Variants in RALYL observed in about 807,000 individuals in gnomAD.
RALYL encodes the protein RALY RNA binding protein like.
In RALYL, 29 loss-of-function variants were observed where a neutral mutation model predicts 35.1. The observed-to-expected ratio is 0.83, with a 90% CI of 0.61 to 1.13. The LOEUF (loss-of-function observed/expected upper bound fraction) is 1.13, where lower values mean the gene tolerates loss of function less well. RALYL is among the 50% of genes most tolerant of loss of function. The pLI is 0.00. For missense variants in RALYL, 359 were observed against 360.4 expected, an observed-to-expected ratio of 1.00 and a Z score of 0.03; for synonymous variants, 120 against 127.6, an observed-to-expected ratio of 0.94 and a Z score of 0.40.
intron 1 of RALYL, among the ~76,000 whole-genome samples, chr8:84,379,497 T>C (rs1857528501): frequency 6.6e-6 from 1 of 151,912 alleles, no homozygotes; most frequent in Admixed American, 6.6e-5. Flanking sequence ...TGATATCAGC[T>C]TTGATAATAA....
chr8:84,373,005 C>G (rs1055991968), intron 1 of RALYL, among the ~76,000 whole-genome samples: 1 of 144,796 alleles, frequency 6.9e-6, no homozygotes, highest in Admixed American at 7.2e-5. Flanking sequence ...TTATATTGAG[C>G]TTTTTTTCAT....
At chr8:84,337,336 T>C (rs2130818962) in intron 1 of RALYL, among the ~76,000 whole-genome samples, 1 of 152,128 alleles carries the variant, frequency 6.6e-6, no homozygotes, top group Non-Finnish European at 1.5e-5. Flanking sequence ...ATTGTTTTTT[T>C]TTTTTCTTTA....
At chr8:84,334,827 T>C (rs962035931) in intron 1 of RALYL, among the ~76,000 whole-genome samples, 3 of 152,136 alleles carry the variant, frequency 2.0e-5, no homozygotes, top group African/African-American at 7.2e-5. Context: ...GATATTTTGT[T>C]CCATTAGCAC....
intron 1 of RALYL, among the ~76,000 whole-genome samples, chr8:84,325,928 G>T (rs964296864): frequency 5.9e-5 from 9 of 152,084 alleles, no homozygotes; most frequent in African/African-American, 2.2e-4. Context: ...TCAAGAGTTT[G>T]AGACCAGCCC....
At chr8:84,646,661 A>G (rs889277225) in intron 2 of RALYL, among the ~76,000 whole-genome samples, 1 of 152,018 alleles carries the variant, frequency 6.6e-6, no homozygotes, top group Non-Finnish European at 1.5e-5. Flanking sequence ...AATTTCTTTT[A>G]TGAATGGTGT....
chr8:84,635,396 A>T (rs1824847263), intron 2 of RALYL, among the ~76,000 whole-genome samples: 1 of 151,804 alleles, frequency 6.6e-6, no homozygotes, highest in Middle Eastern at 3.4e-3. Context: ...TTAATGAAAA[A>T]GTTTCCAGGC....
At chr8:84,275,949 TAA>T (rs1367118059) in intron 1 of RALYL, among the ~76,000 whole-genome samples, 1 of 152,116 alleles carries the variant, frequency 6.6e-6, no homozygotes, top group Non-Finnish European at 1.5e-5. Context: ...TTTGGCAAAC[TAA>T]TTTTTAAAAA....
At chr8:84,774,468 T>C in intron 2 of RALYL, 111 bp from the exon 3 acceptor site, 1 of 708,960 alleles carries the variant, frequency 1.4e-6, no homozygotes, top group Non-Finnish European at 2.4e-6. Flanking sequence ...ATCAATGGTG[T>C]ACAATATTTG....
chr8:84,624,044 T>C (rs1219312431), intron 2 of RALYL, among the ~76,000 whole-genome samples: 2 of 152,206 alleles, frequency 1.3e-5, no homozygotes, highest in African/African-American at 2.4e-5. Context: ...AGTTTTCACT[T>C]TGGGTTATTG....
intron 3 of RALYL, among the ~76,000 whole-genome samples, chr8:84,782,270 G>A (rs2634044): frequency 0.23 from 34,821 of 152,028 alleles, 4,225 homozygotes; most frequent in Non-Finnish European, 0.25. Context: ...GAGATAGAAA[G>A]GAAAAGTGGG....
chr8:84,519,958 G>A (rs116777502), intron 1 of RALYL, among the ~76,000 whole-genome samples: 368 of 152,214 alleles, frequency 2.4e-3, no homozygotes, highest in African/African-American at 8.4e-3. Flanking sequence ...AGTGACACAG[G>A]GTTGCATCTG....
At chr8:84,280,895 A>T (rs79173064) in intron 1 of RALYL, among the ~76,000 whole-genome samples, 2,890 of 152,234 alleles carry the variant, frequency 0.019, 43 homozygotes, top group Non-Finnish European at 0.031. Context: ...ATGAAGTAAA[A>T]ATATGAAGAG....
At chr8:84,729,159 G>A (rs190480900) in intron 2 of RALYL, among the ~76,000 whole-genome samples, 76 of 152,114 alleles carry the variant, frequency 5.0e-4, no homozygotes, top group African/African-American at 1.4e-3. Flanking sequence ...ATTGAGCAGT[G>A]GTTTGTAGTT....
Position 84,679,518 on chromosome 8 carries a change from A to G in RALYL, c.257-95061A>G, listed in dbSNP as rs1035820350. The G allele has an allele frequency of 4.3e-5, 15 of 349,942 alleles. 1 individual carries two copies. Among genetic ancestry groups the G allele is most frequent in the South Asian group, 3.1e-4 (13 of 41,558 alleles). The allele number at this position is 349,942 out of a possible 1,614,324, so 21.7% of individuals were successfully genotyped here. A position where few individuals can be genotyped will look rare whatever the true frequency, so the allele number is the denominator to read the frequency against. On this transcript the variant is annotated intron_variant, in intron 2 of 8. Coordinates refer to ENST00000521268, the MANE Select transcript of RALYL (RefSeq NM_173848.7). ...TGAGTTATTGGATATTAACTTTTAC[A>G]GAAATATATCTGCAAAGGGGCTGGA...
intron 1 of RALYL, among the ~76,000 whole-genome samples, chr8:84,492,650 C>G (rs972101053): frequency 1.7e-4 from 26 of 152,026 alleles, no homozygotes; most frequent in African/African-American, 6.3e-4. Flanking sequence ...GCAACTATCT[C>G]CATAAAATGT....
intron 2 of RALYL, among the ~76,000 whole-genome samples, chr8:84,599,913 G>T (rs1815502861): frequency 6.7e-6 from 1 of 148,800 alleles, no homozygotes. Flanking sequence ...TTAGCAGGAG[G>T]TGTTTTTTTT....
chr8:84,521,240 A>G (rs748358707), intron 1 of RALYL, among the ~76,000 whole-genome samples: 5 of 152,176 alleles, frequency 3.3e-5, no homozygotes, highest in Non-Finnish European at 5.9e-5. Flanking sequence ...CACAGTGATA[A>G]GGCAGTTATC....
At chr8:84,501,445 A>G (rs2056646979) in intron 1 of RALYL, among the ~76,000 whole-genome samples, 2 of 152,102 alleles carry the variant, frequency 1.3e-5, no homozygotes, top group Non-Finnish European at 2.9e-5. Context: ...GTAATTCTCT[A>G]TAAAACTGAA....
chr8:84,920,572 C>T (rs563858078), intron 8 of RALYL, among the ~76,000 whole-genome samples: 171 of 152,044 alleles, frequency 1.1e-3, no homozygotes, highest in Non-Finnish European at 2.2e-3. Flanking sequence ...TAATTGAAAT[C>T]TCTTTCCCTA....
Sources: allele counts gnomAD v4.1 joint callset (sites outside exome capture counted in the v4.1 genomes callset), GRCh38; gene constraint gnomAD v4.1.1; transcripts MANE v1.5; gene names NCBI Gene and HGNC (gene_info 2026-07-23, HGNC 2026-07-21).